NXPH2: variants seen among roughly 807,000 people sequenced by gnomAD.
NXPH2 encodes neurexophilin-2.
Under a neutral mutation model 19.8 loss-of-function variants are expected in NXPH2, and 5 were observed. The ratio of observed to expected loss-of-function variants is 0.25; its 90% confidence interval spans 0.13 to 0.53. The LOEUF is 0.53. Ranked by LOEUF, NXPH2 falls within the 20% of genes least tolerant of loss-of-function variation. The probability of loss-of-function intolerance (pLI) is 0.96; values close to 1 mark genes in which losing one functional copy is unlikely to be tolerated. For missense variants in NXPH2, 289 were observed against 322.8 expected (o/e 0.90, Z 0.80); for synonymous variants, 154 against 127.4 (o/e 1.21, Z -1.41).
At position 138,669,864 on chromosome 2, in the gene NXPH2, A is replaced by G. The variant is rs1680389809; in HGVS notation, c.*1058T>C. On this transcript the variant is annotated 3_prime_UTR_variant, in exon 2 of 2. Transcript: ENST00000272641. Reference sequence around the variant, plus strand: ...GGTTGTCAGCACTTAATAATTAGAAATGTTTAAATATAACTCTCTATTTCC... The same window carrying G: ...GGTTGTCAGCACTTAATAATTAGAAGTGTTTAAATATAACTCTCTATTTCC... 1.3e-5 allele frequency among the ~76,000 whole-genome samples: 2 copies of G among 152,248 alleles called. No individual in the cohort carries two copies. Among genetic ancestry groups the G allele is most frequent in the Admixed American group, 6.5e-5 (1 of 15,278 alleles).
At chr2:138,727,423 A>G (rs960549814) in intron 1 of NXPH2, among the ~76,000 whole-genome samples, 4 of 152,110 alleles carry the variant, frequency 2.6e-5, no homozygotes, top group African/African-American at 9.7e-5. Context: ...TGGCCATTCT[A>G]ATAGGTGTGT....
intron 1 of NXPH2, among the ~76,000 whole-genome samples, chr2:138,689,646 CT>C (rs1680716773): frequency 6.6e-6 from 1 of 152,118 alleles, no homozygotes; most frequent in Non-Finnish European, 1.5e-5. Flanking sequence ...TAGGAAAATG[CT>C]TCATTTCTCA....
chr2:138,722,122 G>A (rs1193641358), intron 1 of NXPH2, among the ~76,000 whole-genome samples: 1 of 152,130 alleles, frequency 6.6e-6, no homozygotes, highest in African/African-American at 2.4e-5. Context: ...ACTAGTAGAA[G>A]TAGACAGAAC....
chr2:138,679,126 G>A (rs1680531838), intron 1 of NXPH2, among the ~76,000 whole-genome samples: 1 of 152,338 alleles, frequency 6.6e-6, no homozygotes, highest in African/African-American at 2.4e-5. Flanking sequence ...GCAAAGGGAA[G>A]AGATTTCTCC....
At chr2:138,735,792 G>A (rs191107602) in intron 1 of NXPH2, among the ~76,000 whole-genome samples, 11 of 152,276 alleles carry the variant, frequency 7.2e-5, no homozygotes, top group Non-Finnish European at 1.2e-4. Flanking sequence ...AAAATCAAAA[G>A]CAACTTAGTT....
At chr2:138,742,065 T>G (rs1681652578) in intron 1 of NXPH2, among the ~76,000 whole-genome samples, 2 of 152,104 alleles carry the variant, frequency 1.3e-5, no homozygotes, top group African/African-American at 4.8e-5. Flanking sequence ...ATGAAAGAGA[T>G]CAACACAAAA....
chr2:138,740,458 G>A (rs1681624449), intron 1 of NXPH2, among the ~76,000 whole-genome samples: 1 of 152,132 alleles, frequency 6.6e-6, no homozygotes, highest in African/African-American at 2.4e-5. Flanking sequence ...AATGTGGTGA[G>A]GGGTTCTAGT....
chr2:138,674,621 A>G (rs16841006), intron 1 of NXPH2, among the ~76,000 whole-genome samples: 4,933 of 152,242 alleles, frequency 0.032, 277 homozygotes, highest in African/African-American at 0.11. Flanking sequence ...TGCAAACTTC[A>G]TTCCAATCAT....
rs998336956 is a variant in NXPH2, at chr2:138,669,354, A to C, written c.*1568T>G. Among the ~76,000 whole-genome samples the C allele has an allele frequency of 2.0e-5, 3 of 152,126 alleles. No individual in the cohort carries two copies. The highest frequency in any genetic ancestry group is 7.2e-5 in the African/African-American group (3 of 41,446). ...TATTAATCACCAACCACAAAATTAC[A>C]AAAACATGTGGTGAACTCAGAGCAA... On this transcript the variant is annotated 3_prime_UTR_variant, in exon 2 of 2. Transcript: ENST00000272641.
chr2:138,671,658 C>A lies in NXPH2; in HGVS notation c.59G>T (p.Cys20Phe). 6.5e-7 allele frequency: 1 copy of A among 1,545,604 alleles called. No individual in the cohort carries two copies. The highest frequency in any genetic ancestry group is 8.7e-7 in the Non-Finnish European group (1 of 1,148,354). The change falls in exon 2 of 2, where the codon TGT becomes TTT. Residue 20 changes from cysteine to phenylalanine, a missense_variant. Coordinates refer to ENST00000272641, the MANE Select transcript of NXPH2 (RefSeq NM_007226.3). ...GGCATGCACCACTTCCTTACTGTCA[C>A]AAAATAGCTGTTTGAAAAGAAGAAA... ...VVPGLLQLLF[C>F]DSKEVVHATE...
chr2:138,685,331 TG>T (rs1200106311), intron 1 of NXPH2, among the ~76,000 whole-genome samples: 3 of 152,188 alleles, frequency 2.0e-5, no homozygotes, highest in African/African-American at 4.8e-5. Context: ...TCTATCTTAC[TG>T]TTTCTGTATC....
intron 1 of NXPH2, among the ~76,000 whole-genome samples, chr2:138,763,680 T>G (rs1013569327): frequency 2.6e-5 from 4 of 152,158 alleles, no homozygotes; most frequent in Non-Finnish European, 4.4e-5. Flanking sequence ...AGTGTAGAAG[T>G]CTTGTCCCAA....
At chr2:138,704,018 C>T (rs923973467) in intron 1 of NXPH2, among the ~76,000 whole-genome samples, 3 of 152,160 alleles carry the variant, frequency 2.0e-5, no homozygotes, top group African/African-American at 2.4e-5. Flanking sequence ...ATGATTTGAA[C>T]GTATGTGAAT....
chr2:138,682,331 C>A (rs1212690717), intron 1 of NXPH2, among the ~76,000 whole-genome samples: 1 of 152,124 alleles, frequency 6.6e-6, no homozygotes, highest in Non-Finnish European at 1.5e-5. Flanking sequence ...CAGGAACATG[C>A]ATCTGCCGGA....
At chr2:138,707,529 A>T (rs1334710393) in intron 1 of NXPH2, among the ~76,000 whole-genome samples, 2 of 152,162 alleles carry the variant, frequency 1.3e-5, no homozygotes, top group Non-Finnish European at 2.9e-5. Flanking sequence ...CATTTGCTTG[A>T]CATCTGTGTG....
intron 1 of NXPH2, among the ~76,000 whole-genome samples, chr2:138,759,912 A>G (rs553898905): frequency 7.9e-5 from 12 of 151,814 alleles, no homozygotes; most frequent in African/African-American, 2.7e-4. Flanking sequence ...TGTATTTTTA[A>G]TAGAGATGGG....
intron 1 of NXPH2, among the ~76,000 whole-genome samples, chr2:138,778,076 T>A (rs554656915): frequency 5.3e-5 from 8 of 152,282 alleles, no homozygotes; most frequent in African/African-American, 1.9e-4. Flanking sequence ...TATGCTGGGA[T>A]TGGGGAATAT....
intron 1 of NXPH2, among the ~76,000 whole-genome samples, chr2:138,710,446 A>G (rs959481828): frequency 6.6e-6 from 1 of 152,134 alleles, no homozygotes; most frequent in Admixed American, 6.5e-5. Context: ...TTGCTGAGTT[A>G]TATGGTAATT....
At chr2:138,690,150 C>T (rs529119702) in intron 1 of NXPH2, among the ~76,000 whole-genome samples, 7 of 152,324 alleles carry the variant, frequency 4.6e-5, no homozygotes, top group African/African-American at 1.4e-4. Flanking sequence ...CCCACCTATG[C>T]GTCTCTGTCC....
Sources: allele counts gnomAD v4.1 joint callset (sites outside exome capture counted in the v4.1 genomes callset), GRCh38; gene constraint gnomAD v4.1.1; transcripts MANE v1.5; gene names NCBI Gene and HGNC (gene_info 2026-07-23, HGNC 2026-07-21).